Variants in COL24A1 observed in about 807,000 individuals in gnomAD.
The protein encoded by COL24A1 is collagen alpha-1(XXIV) chain.
In COL24A1, 224 loss-of-function variants were observed where a neutral mutation model predicts 253.9. The observed-to-expected ratio is 0.88, with a 90% CI of 0.79 to 0.99. The LOEUF (loss-of-function observed/expected upper bound fraction) is 0.99. Ranked by LOEUF, COL24A1 falls within the 50% of genes least tolerant of loss-of-function variation. The pLI is 0.00. For missense variants in COL24A1, 2,131 were observed against 2,068.5 expected, an observed-to-expected ratio of 1.03 and a Z score of -0.59; for synonymous variants, 685 against 673.7, an observed-to-expected ratio of 1.02 and a Z score of -0.26.
intron 43 of COL24A1, among the ~76,000 whole-genome samples, chr1:85,832,975 T>C (rs1014980998): frequency 9.3e-5 from 14 of 150,998 alleles, no homozygotes; most frequent in African/African-American, 2.9e-4. Context: ...TGAATAGGAG[T>C]GGTGAGAGAG....
At chr1:85,924,636 A>T (rs998102896) in intron 24 of COL24A1, among the ~76,000 whole-genome samples, 6 of 152,082 alleles carry the variant, frequency 3.9e-5, no homozygotes, top group African/African-American at 1.4e-4. Context: ...CATGCTAAAA[A>T]CTCTCAATAA....
intron 35 of COL24A1, among the ~76,000 whole-genome samples, chr1:85,871,251 C>A (rs982490052): frequency 6.6e-6 from 1 of 152,080 alleles, no homozygotes; most frequent in Non-Finnish European, 1.5e-5. Context: ...GATTCACAGC[C>A]GAATTCTACC....
intron 22 of COL24A1, 55 bp from the exon 23 acceptor site, chr1:85,965,117 T>C: frequency 7.1e-7 from 1 of 1,409,410 alleles, no homozygotes; most frequent in East Asian, 2.3e-5. Flanking sequence ...ATTCTCATTT[T>C]TGAAAGTTTC....
intron 5 of COL24A1, among the ~76,000 whole-genome samples, chr1:86,093,041 A>C (rs997013759): frequency 1.3e-5 from 2 of 152,050 alleles, no homozygotes; most frequent in Admixed American, 1.3e-4. Context: ...TTTAAAATTC[A>C]AATTCTGATT....
At chr1:85,748,283 C>G (rs182605690) in intron 55 of COL24A1, among the ~76,000 whole-genome samples, 1 of 152,300 alleles carries the variant, frequency 6.6e-6, no homozygotes, top group African/African-American at 2.4e-5. Context: ...TATGATAAAA[C>G]TGGCTAGTTG....
At chr1:85,835,155 C>G (rs990691489) in intron 43 of COL24A1, among the ~76,000 whole-genome samples, 11 of 152,154 alleles carry the variant, frequency 7.2e-5, no homozygotes, top group African/African-American at 2.7e-4. Flanking sequence ...GAGTCTTGCT[C>G]TGTTGCCAGG....
chr1:86,064,580 T>G (rs1006072513), intron 7 of COL24A1, among the ~76,000 whole-genome samples: 3 of 152,186 alleles, frequency 2.0e-5, no homozygotes, highest in Non-Finnish European at 4.4e-5. Context: ...AGAAATTCCT[T>G]TTCTTAAGGA....
chr1:85,783,476 C>T lies in COL24A1; in HGVS notation c.4284+20G>A, dbSNP rs1403025240. On this transcript the variant is annotated intron_variant, in intron 51 of 59. Transcript: ENST00000370571. The stretch of plus-strand genomic sequence containing the variant: ...GCAAAGAACCACAATTTCTGGTAGG[C>T]AGAATGACTTTACACTTACTCTGTG... The T allele has an allele frequency of 5.0e-6, 8 of 1,609,266 alleles. No individual in the cohort carries two copies. The highest frequency in any genetic ancestry group is 6.8e-6 in the Non-Finnish European group (8 of 1,176,506).
At chr1:85,811,516 T>C (rs1266272892) in intron 47 of COL24A1, among the ~76,000 whole-genome samples, 1 of 152,234 alleles carries the variant, frequency 6.6e-6, no homozygotes, top group African/African-American at 2.4e-5. Flanking sequence ...GGAACTACCA[T>C]ACTGGTTTTT....
At chr1:85,887,004 G>A (rs1259031222) in intron 32 of COL24A1, among the ~76,000 whole-genome samples, 1 of 152,132 alleles carries the variant, frequency 6.6e-6, no homozygotes, top group Non-Finnish European at 1.5e-5. Flanking sequence ...GAGGAACTGA[G>A]TGAAGTTTTA....
rs561740819 is a variant in COL24A1 at position 85,829,468 on chromosome 1, C to T, written c.3682-5730G>A. Among the ~76,000 whole-genome samples the T allele has an allele frequency of 1.8e-3, 268 of 151,760 alleles. 5 individuals carry two copies. In the Middle Eastern group the frequency reaches 0.02, roughly 12 times the overall value. Reference sequence around the variant, plus strand: ...GTATTTCCTGAATCTGAATGTTGGCCTGCCTTGCTAGATTGGGGAAATTCT... The same window carrying T: ...GTATTTCCTGAATCTGAATGTTGGCTTGCCTTGCTAGATTGGGGAAATTCT... On this transcript the variant is annotated intron_variant, in intron 43 of 59. Coordinates refer to ENST00000370571, the MANE Select transcript of COL24A1 (RefSeq NM_152890.7).
In COL24A1 at chr1:85,730,683, C is replaced by T. The variant is rs1162099587; in HGVS notation, c.5008G>A (p.Gly1670Ser). 6.2e-6 allele frequency: 10 copies of T among 1,613,768 alleles called. No homozygotes were observed. Among genetic ancestry groups the T allele is most frequent in the Non-Finnish European group, 8.5e-6 (10 of 1,179,814 alleles). The change falls in exon 60 of 60, where the codon GGC (glycine) becomes AGC (serine). Residue 1670 changes from glycine to serine, a missense_variant. Gly to Ser is a moderately conservative substitution (Grantham distance 56). Coordinates refer to ENST00000370571, the MANE Select transcript of COL24A1 (RefSeq NM_152890.7). The stretch of plus-strand genomic sequence containing the variant: ...AGAAATGTTGCCTTATGCCAGCTGC[C>T]ATCTTGAATCTGTAAAATAAGAACA... ...VLSDDCKIQD[G>S]SWHKATFLFH...
chr1:86,006,727 G>T (rs554106198), intron 19 of COL24A1, among the ~76,000 whole-genome samples: 2 of 151,940 alleles, frequency 1.3e-5, no homozygotes, highest in South Asian at 4.2e-4. Flanking sequence ...GAAAATATTT[G>T]CAAAAGGCAC....
Position 85,817,930 on chromosome 1 carries a change from A to G in COL24A1, c.3843+104T>C, listed in dbSNP as rs1673210965. ...TTTAATTTTTTTAAAAGACAATCTGATTTATCCAACATGATGACACAATTG... is the reference window on the plus strand; with the variant it reads ...TTTAATTTTTTTAAAAGACAATCTGGTTTATCCAACATGATGACACAATTG... On this transcript the variant is annotated intron_variant, in intron 46 of 59. Transcript: ENST00000370571. The G allele has an allele frequency of 3.2e-6, 3 of 924,926 alleles. No individual in the cohort carries two copies. The East Asian group carries it at 7.2e-5, about 22-fold the overall frequency. The allele number at this position is 924,926 out of a possible 1,614,324, so 57.3% of individuals were successfully genotyped here. A position where few individuals can be genotyped will look rare whatever the true frequency, so the allele number is the denominator to read the frequency against.
chr1:86,117,680 T>C (rs1300885981), intron 3 of COL24A1, among the ~76,000 whole-genome samples: 1 of 152,216 alleles, frequency 6.6e-6, no homozygotes, highest in East Asian at 1.9e-4. Context: ...TTAATAGGCA[T>C]TTTCTAGATA....
chr1:86,065,570 T>G (rs1035853309), intron 7 of COL24A1, among the ~76,000 whole-genome samples: 4 of 151,972 alleles, frequency 2.6e-5, no homozygotes, highest in Non-Finnish European at 4.4e-5. Context: ...ACAGTTAATC[T>G]AAGGGAGGAC....
At chr1:85,907,328 T>C in intron 27 of COL24A1, 81 bp from the exon 28 acceptor site, 1 of 1,157,408 alleles carries the variant, frequency 8.6e-7, no homozygotes, top group Non-Finnish European at 1.3e-6. Flanking sequence ...TCTTATAACA[T>C]ATATCCTTCT....
chr1:86,013,888 C>T (rs1696765581), intron 19 of COL24A1, among the ~76,000 whole-genome samples: 1 of 151,978 alleles, frequency 6.6e-6, no homozygotes, highest in Non-Finnish European at 1.5e-5. Context: ...ATTACCTTAA[C>T]CAACAACTCA....
At chr1:85,868,236 C>G (rs1423520712) in intron 37 of COL24A1, among the ~76,000 whole-genome samples, 1 of 152,178 alleles carries the variant, frequency 6.6e-6, no homozygotes, top group South Asian at 2.1e-4. Flanking sequence ...GAATAAAGAT[C>G]CAAAATATTT....
Sources: gnomAD v4.1 joint callset for allele counts (sites outside exome capture counted in the v4.1 genomes callset) on GRCh38, gnomAD v4.1.1 for gene constraint, MANE v1.5 for transcripts, NCBI Gene and HGNC (gene_info 2026-07-23, HGNC 2026-07-21) for gene names.